PDE6A: variants seen among roughly 807,000 people sequenced by gnomAD.
PDE6A encodes rod cGMP-specific 3',5'-cyclic phosphodiesterase subunit alpha.
In PDE6A, 84 loss-of-function variants were observed where a neutral mutation model predicts 106.3. The ratio of observed to expected loss-of-function variants is 0.79; its 90% CI spans 0.66 to 0.95. The LOEUF (loss-of-function observed/expected upper bound fraction) is 0.95. Among genes scored for constraint, PDE6A ranks in the 40% least tolerant of loss-of-function variants. The pLI, the probability that PDE6A is intolerant of heterozygous loss-of-function variation, is 0.00. For missense variants in PDE6A, 1,052 were observed against 1,084.9 expected (o/e 0.97, Z 0.43); for synonymous variants, 394 against 386.6 (o/e 1.02, Z -0.23).
At chr5:149,882,172 T>C (rs1052072779) in intron 17 of PDE6A, among the ~76,000 whole-genome samples, 1 of 151,976 alleles carries the variant, frequency 6.6e-6, no homozygotes, top group African/African-American at 2.4e-5. Flanking sequence ...TGAAAGCAGA[T>C]TGCACTGCTC....
chr5:149,875,135 G>T (rs956845206), intron 17 of PDE6A, among the ~76,000 whole-genome samples: 1 of 152,100 alleles, frequency 6.6e-6, no homozygotes, highest in African/African-American at 2.4e-5. Context: ...GCCCCGAGAT[G>T]GCTTTATAGC....
rs748326635 is a variant in PDE6A at position 149,903,713 on chromosome 5, G to T, written c.1066-18C>A. 6.2e-6 allele frequency: 10 copies of T among 1,609,952 alleles called. No individual in the cohort carries two copies. Among genetic ancestry groups the T allele is most frequent in the Non-Finnish European group, 8.5e-6 (10 of 1,176,210 alleles). ...TTGCAAATCTGAGAGCAGTGAAGGGGAATAATGAAGGTGTGATTAGGCCTG... is the reference window on the plus strand; with the variant it reads ...TTGCAAATCTGAGAGCAGTGAAGGGTAATAATGAAGGTGTGATTAGGCCTG... On this transcript the variant is annotated intron_variant, in intron 7 of 21. Coordinates refer to ENST00000255266, the MANE Select transcript of PDE6A (RefSeq NM_000440.3).
Position 149,944,518 on chromosome 5 carries a change from C to T in PDE6A, c.156G>A (p.Pro52=), listed in dbSNP as rs765977242. 3.7e-5 allele frequency: 59 copies of T among 1,613,966 alleles called. No homozygotes were observed. The highest frequency in any genetic ancestry group is 4.3e-5 in the Non-Finnish European group (51 of 1,180,008). The change falls in exon 1 of 22, where the codon CCG becomes CCA. Residue 52 remains proline, a synonymous_variant. Coordinates refer to ENST00000255266, the MANE Select transcript of PDE6A (RefSeq NM_000440.3). ...AAVDFSNYHS[P]SSMEESEIIF... Reference sequence around the variant, plus strand: ...TGATTTCGCTCTCCTCCATGCTGCTCGGGGAGTGGTAGTTGCTGAAGTCCA... The same window carrying T: ...TGATTTCGCTCTCCTCCATGCTGCTTGGGGAGTGGTAGTTGCTGAAGTCCA...
At chr5:149,885,226 C>G (rs912360438) in intron 14 of PDE6A, among the ~76,000 whole-genome samples, 11 of 152,374 alleles carry the variant, frequency 7.2e-5, no homozygotes, top group African/African-American at 2.6e-4. Context: ...GTGCCACACA[C>G]TGTGCTAAGT....
intron 17 of PDE6A, among the ~76,000 whole-genome samples, chr5:149,876,778 T>C (rs1478926447): frequency 6.6e-6 from 1 of 152,176 alleles, no homozygotes. Flanking sequence ...CCATGCCCAG[T>C]TCCTATTTTT....
chr5:149,930,894 G>A, intron 4 of PDE6A, 134 bp downstream of exon 4: 1 of 889,460 alleles, frequency 1.1e-6, no homozygotes, highest in East Asian at 2.5e-5. Flanking sequence ...AGAGACCTAT[G>A]TAAGACTTTC....
At chr5:149,879,669 T>A (rs898916259) in intron 17 of PDE6A, among the ~76,000 whole-genome samples, 3 of 146,674 alleles carry the variant, frequency 2.0e-5, no homozygotes, top group Non-Finnish European at 4.5e-5. Context: ...AGTGAGAATA[T>A]GTGGTGTTTG....
rs111297579 is a variant in PDE6A, at chr5:149,914,818, C to G, written c.998+125G>C. On this transcript the variant is annotated intron_variant, in intron 6 of 21. Transcript: ENST00000255266. ...AGTCCTTCTCTGTCTATAAAGTCAA[C>G]CTTGTCAGAACACTTATGTATTTTA... 1,615 of 752,890 alleles carry G rather than the reference C, an allele frequency of 2.1e-3. 21 individuals are homozygous for G. In the African/African-American group the frequency reaches 0.024, roughly 11 times the overall value. The allele number at this position is 752,890 out of a possible 1,614,324, so 46.6% of individuals were successfully genotyped here.
At chr5:149,938,469 A>G (rs1581214248) in intron 1 of PDE6A, among the ~76,000 whole-genome samples, 1 of 152,288 alleles carries the variant, frequency 6.6e-6, no homozygotes, top group African/African-American at 2.4e-5. Context: ...CACTCACTCA[A>G]TAAACTATGG....
chr5:149,894,714 C>T (rs1338763195), intron 13 of PDE6A, among the ~76,000 whole-genome samples: 1 of 147,914 alleles, frequency 6.8e-6, no homozygotes, highest in Non-Finnish European at 1.5e-5. Flanking sequence ...TCACTGCAAC[C>T]TCTGCCTCCC....
At chr5:149,867,655 G>A (rs1760379693) in intron 19 of PDE6A, 70 bp downstream of exon 19, 1 of 1,297,640 alleles carries the variant, frequency 7.7e-7, no homozygotes, top group Non-Finnish European at 1.1e-6. Context: ...CTCCATCATG[G>A]CGAGGTCATA....
chr5:149,868,294 A>C, intron 17 of PDE6A, 136 bp from the exon 18 acceptor site: 1 of 817,404 alleles, frequency 1.2e-6, no homozygotes, highest in Non-Finnish European at 2.1e-6. Context: ...GCTCACCCCC[A>C]TTGCATCCAG....
intron 17 of PDE6A, 48 bp from the exon 18 acceptor site, chr5:149,868,206 C>T (rs368489306): frequency 5.2e-6 from 8 of 1,543,900 alleles, no homozygotes; most frequent in Non-Finnish European, 7.2e-6. Context: ...TTTAAGACTT[C>T]ATGTACTGGT....
chr5:149,919,401 G>A (rs531402559), intron 5 of PDE6A, among the ~76,000 whole-genome samples: 43 of 152,210 alleles, frequency 2.8e-4, no homozygotes, highest in African/African-American at 1.0e-3. Flanking sequence ...CCAGCTACTC[G>A]GGAATCTGAG....
chr5:149,895,138 G>T, intron 13 of PDE6A, 45 bp downstream of exon 13: 1 of 1,091,982 alleles, frequency 9.2e-7, no homozygotes, highest in Non-Finnish European at 1.4e-6. Context: ...AGATTGTCTA[G>T]TGTGATGCAA....
At chr5:149,889,463 G>A (rs1016665032) in intron 13 of PDE6A, among the ~76,000 whole-genome samples, 2 of 151,612 alleles carry the variant, frequency 1.3e-5, no homozygotes. Flanking sequence ...TTTGTTTTGA[G>A]ACAGAGTCTC....
intron 7 of PDE6A, among the ~76,000 whole-genome samples, chr5:149,904,226 G>A (rs1002290033): frequency 2.6e-5 from 4 of 152,170 alleles, no homozygotes; most frequent in East Asian, 1.9e-4. Context: ...CAGCCTGAGC[G>A]ACAGAGTGAG....
In PDE6A at chr5:149,859,710, G is replaced by C. The variant is rs1055563987; in HGVS notation, c.*1185C>G. ...GGTTGATACTAAGGGTCTGTCAACAGCACTCAAAGCTGGTGGGGTCCCAAG... is the reference window on the plus strand; with the variant it reads ...GGTTGATACTAAGGGTCTGTCAACACCACTCAAAGCTGGTGGGGTCCCAAG... On this transcript the variant is annotated 3_prime_UTR_variant, in exon 22 of 22. Coordinates refer to ENST00000255266, the MANE Select transcript of PDE6A (RefSeq NM_000440.3). 2 of 152,350 alleles carry C rather than the reference G, an allele frequency of 1.3e-5. No individual in the cohort carries two copies. Among genetic ancestry groups the C allele is most frequent in the Non-Finnish European group, 2.9e-5 (2 of 68,144 alleles). The allele number at this position is 152,350 out of a possible 1,614,324, so 9.4% of individuals were successfully genotyped here. A position where few individuals can be genotyped will look rare whatever the true frequency, so the allele number is the denominator to read the frequency against.
Position 149,920,974 on chromosome 5 carries a change from G to GAAAGAAAGAAAGAAAGAA in PDE6A, c.933+643_933+660dup, listed in dbSNP as rs1226468057. 3.1e-5 allele frequency among the ~76,000 whole-genome samples: 4 copies of GAAAGAAAGAAAGAAAGAA among 131,100 alleles called. No individual in the cohort carries two copies. In the South Asian group the frequency reaches 9.1e-4, roughly 30 times the overall value. The allele number at this position is 131,100 out of a possible 152,430, so 86.0% of individuals were successfully genotyped here. The stretch of plus-strand genomic sequence containing the variant: ...AGAAAGAAAGAAAGAAAGAAAGAAA[G>GAAAGAAAGAAAGAAAGAA]AAAGAAAGAAAGAAAGAAAGAAAAA... On this transcript the variant is annotated intron_variant, in intron 5 of 21. Coordinates refer to ENST00000255266, the MANE Select transcript of PDE6A (RefSeq NM_000440.3).
Sources: allele counts gnomAD v4.1 joint callset (sites outside exome capture counted in the v4.1 genomes callset), GRCh38; gene constraint gnomAD v4.1.1; transcripts MANE v1.5; gene names NCBI Gene and HGNC (gene_info 2026-07-23, HGNC 2026-07-21).